GFPT2: variants seen among roughly 807,000 people sequenced by gnomAD.
GFPT2 encodes the protein glutamine--fructose-6-phosphate transaminase 2.
In GFPT2, 62 loss-of-function variants were observed where a neutral mutation model predicts 85.6. The ratio of observed to expected loss-of-function variants is 0.72; its 90% CI spans 0.59 to 0.90. The LOEUF (loss-of-function observed/expected upper bound fraction) is 0.90. Among genes scored for constraint, GFPT2 ranks in the 40% least tolerant of loss-of-function variants. The pLI is 0.00. For synonymous variants in GFPT2, 368 were observed against 344.5 expected, an observed-to-expected ratio of 1.07 and a Z score of -0.75; for missense variants, 788 against 893.4, an observed-to-expected ratio of 0.88 and a Z score of 1.50.
Position 180,322,552 on chromosome 5 carries a change from A to G in GFPT2, c.794+1636T>C, listed in dbSNP as rs879674669. 5.3e-5 allele frequency among the ~76,000 whole-genome samples: 8 copies of G among 152,226 alleles called. 1 individual carries two copies. The highest frequency in any genetic ancestry group is 1.2e-4 in the Non-Finnish European group (8 of 68,036). ...GAGGTGACACCTGAGAATAAGGTGG[A>G]CAAGGTCCCACTTGAACCAGATACA... On this transcript the variant is annotated intron_variant, in intron 9 of 18. Transcript: ENST00000253778.
chr5:180,318,690 C>T lies in GFPT2; in HGVS notation c.958+103G>A, dbSNP rs1764059555. On this transcript the variant is annotated intron_variant, in intron 10 of 18. Coordinates refer to ENST00000253778, the MANE Select transcript of GFPT2 (RefSeq NM_005110.4). This position sits in a 1 kb window ranked among gnomAD's most constrained non-coding sequence, Gnocchi z 4.2. ...GCCCCGCCCTGGTGGCCACAGAGGG[C>T]AGGAGGGCTGTGGCCTCTACTAGGA... is the stretch of plus-strand genomic sequence containing the variant. 14 of 980,956 alleles carry T rather than the reference C, an allele frequency of 1.4e-5. No individual in the cohort carries two copies. In the South Asian group the frequency reaches 2.0e-4, roughly 14 times the overall value. 60.8% of individuals were successfully genotyped at this position (980,956 alleles called of 1,614,324 possible).
At chr5:180,336,208 A>T in intron 3 of GFPT2, 1 of 576,970 alleles carries the variant, frequency 1.7e-6, no homozygotes, top group Non-Finnish European at 3.1e-6. Flanking sequence ...CCCTACCATA[A>T]ACAGAGAAGC....
intron 15 of GFPT2, among the ~76,000 whole-genome samples, chr5:180,312,050 G>C (rs192865367): frequency 2.6e-3 from 172 of 67,270 alleles, no homozygotes; most frequent in South Asian, 4.5e-3. Context: ...AGGCTGAGGG[G>C]CAGGGAGGCA....
At position 180,330,757 on chromosome 5, in the gene GFPT2, G is replaced by A. The variant is rs369235741; in HGVS notation, c.477C>T (p.Asn159=). Residue 159 remains asparagine (N), a synonymous_variant, in exon 6 of 19, where the codon AAC becomes AAT. Transcript: ENST00000253778. The surrounding 1 kb of genome is among the most constrained non-coding windows in gnomAD (Gnocchi z 4.4). ...IAKLIKYVFD[N]RETEDITFST... ...AAAACGTAATGTCCTCAGTTTCTCT[G>A]TTGTCGAACACATATTTAATCAGCT... 1 of 1,612,736 alleles carries A rather than the reference G, an allele frequency of 6.2e-7. No individual in the cohort carries two copies. Among genetic ancestry groups the A allele is most frequent in the African/African-American group, 1.3e-5 (1 of 75,034 alleles).
chr5:180,315,239 G>A (rs980419039), intron 13 of GFPT2, among the ~76,000 whole-genome samples: 13 of 151,252 alleles, frequency 8.6e-5, no homozygotes, highest in African/African-American at 2.2e-4. Context: ...GTGCAGTGGC[G>A]CGATCTCAGC....
intron 18 of GFPT2, among the ~76,000 whole-genome samples, 169 bp from the exon 19 acceptor site, chr5:180,301,777 A>T (rs1763677521): frequency 6.6e-6 from 1 of 152,100 alleles, no homozygotes; most frequent in African/African-American, 2.4e-5. Flanking sequence ...AGCCTCATTT[A>T]ACCGTATAAG....
In GFPT2 at chr5:180,328,265, G is replaced by A. The variant is rs1764247482; in HGVS notation, c.596+12C>T. On this transcript the variant is annotated intron_variant, in intron 7 of 18. Coordinates refer to ENST00000253778, the MANE Select transcript of GFPT2 (RefSeq NM_005110.4). This position sits in a 1 kb window ranked among gnomAD's most constrained non-coding sequence, Gnocchi z 5.4. ...TCTTTCTTATGGGAAATGCCAGTGTGTTTTGCCTCACCGTGTGGCAACGGC... is the reference window on the plus strand; with the variant it reads ...TCTTTCTTATGGGAAATGCCAGTGTATTTTGCCTCACCGTGTGGCAACGGC... 5 of 1,593,450 alleles carry A rather than the reference G, an allele frequency of 3.1e-6. No homozygotes were observed. Among genetic ancestry groups the A allele is most frequent in the African/African-American group, 1.3e-5 (1 of 74,530 alleles).
intron 14 of GFPT2, among the ~76,000 whole-genome samples, chr5:180,313,553 G>A (rs1431879494): frequency 1.3e-5 from 2 of 151,462 alleles, no homozygotes; most frequent in South Asian, 4.2e-4. Flanking sequence ...TCGCGCCCCT[G>A]CACTCCAGCC....
intron 1 of GFPT2, among the ~76,000 whole-genome samples, chr5:180,346,537 C>T (rs1268231029): frequency 2.6e-5 from 4 of 152,242 alleles, no homozygotes; most frequent in Admixed American, 2.6e-4. Context: ...GTCTTCTCTG[C>T]CCCGCGGGCC....
intron 15 of GFPT2, among the ~76,000 whole-genome samples, chr5:180,309,293 C>T: frequency 6.6e-6 from 1 of 152,178 alleles, no homozygotes; most frequent in Non-Finnish European, 1.5e-5. Flanking sequence ...CCATGGGTTG[C>T]TTCTACTGAT....
rs573681768 is a variant in GFPT2, at chr5:180,317,029, T to A, written c.988A>T (p.Ile330Phe). Residue 330 changes from isoleucine to phenylalanine, a missense_variant, in exon 11 of 19, where the codon ATC becomes TTC. Transcript: ENST00000253778. Reference sequence around the variant, plus strand: ...AAAACTGATTCTGGCTGTTCGAAGATCTCCTTCTGCATAAACGCACTGAAG... The same window carrying A: ...AAAACTGATTCTGGCTGTTCGAAGAACTCCTTCTGCATAAACGCACTGAAG... ...GNFSAFMQKE[I>F]FEQPESVFNT... The A allele has an allele frequency of 6.2e-7, 1 of 1,611,174 alleles. No homozygotes were observed. Among genetic ancestry groups the A allele is most frequent in the South Asian group, 1.1e-5 (1 of 91,012 alleles).
intron 4 of GFPT2, among the ~76,000 whole-genome samples, chr5:180,333,982 GT>G (rs1764353730): frequency 6.6e-6 from 1 of 152,208 alleles, no homozygotes; most frequent in Non-Finnish European, 1.5e-5. Flanking sequence ...TCTGGGCGCA[GT>G]GTTTTCTCGG....
chr5:180,341,873 T>C (rs932144925), intron 1 of GFPT2, among the ~76,000 whole-genome samples: 4 of 152,202 alleles, frequency 2.6e-5, no homozygotes, highest in African/African-American at 9.6e-5. Flanking sequence ...CATCTGGGCA[T>C]GGGAGGTACT....
rs1254487581 is a variant in GFPT2 at position 180,321,172 on chromosome 5, TATAGAA to T, written c.795-2222_795-2217del. 3.3e-5 allele frequency among the ~76,000 whole-genome samples: 5 copies of T among 151,754 alleles called. No individual in the cohort carries two copies. The East Asian group carries it at 9.7e-4, about 29-fold the overall frequency. On this transcript the variant is annotated intron_variant, in intron 9 of 18. Coordinates refer to ENST00000253778, the MANE Select transcript of GFPT2 (RefSeq NM_005110.4). ...ATACAGAGCTTTATACAAAATTTTG[TATAGAA>T]ATATATTTTTTTGTATAAAAAGTAG...
At chr5:180,348,902 T>C (rs993436306) in intron 1 of GFPT2, among the ~76,000 whole-genome samples, 1 of 151,598 alleles carries the variant, frequency 6.6e-6, no homozygotes, top group African/African-American at 2.4e-5. Context: ...CCACCACACC[T>C]GGCTAATTTT....
intron 17 of GFPT2, among the ~76,000 whole-genome samples, chr5:180,303,269 A>C (rs1315132889): frequency 1.3e-5 from 2 of 152,000 alleles, no homozygotes; most frequent in Non-Finnish European, 2.9e-5. Flanking sequence ...AATGCCACCA[A>C]GGCTAGAAAA....
chr5:180,321,690 A>G (rs6601109), intron 9 of GFPT2, among the ~76,000 whole-genome samples: 95,458 of 152,206 alleles, frequency 0.63, 30,386 homozygotes, highest in East Asian at 0.9. Flanking sequence ...TGTCTTTCTT[A>G]TCTCTACACT....
In GFPT2 at chr5:180,310,706, C is replaced by T. The variant is rs528014949; in HGVS notation, c.1546+1724G>A. ...GATTACAGGCGTGAGCCACCGCGCC[C>T]GGCCATCAAGGCCATTCTTAAGGGA... is the stretch of plus-strand genomic sequence containing the variant. On this transcript the variant is annotated intron_variant, in intron 15 of 18. Transcript: ENST00000253778. 6.0e-4 allele frequency among the ~76,000 whole-genome samples: 91 copies of T among 151,532 alleles called. 1 individual carries two copies. The highest frequency in any genetic ancestry group is 1.9e-3 in the African/African-American group (80 of 41,088).
At chr5:180,345,006 G>A (rs1405090154) in intron 1 of GFPT2, among the ~76,000 whole-genome samples, 3 of 152,190 alleles carry the variant, frequency 2.0e-5, no homozygotes, top group African/African-American at 7.2e-5. Flanking sequence ...GGCCAGTGCC[G>A]GAACCCACCT....
Sources: gnomAD v4.1 joint callset for allele counts (sites outside exome capture counted in the v4.1 genomes callset) on GRCh38, gnomAD v4.1.1 for gene constraint, Gnocchi (gnomAD v3.1) non-coding constraint, MANE v1.5 for transcripts, NCBI Gene and HGNC (gene_info 2026-07-23, HGNC 2026-07-21) for gene names.